Variants in SPINT4 observed in about 807,000 individuals in gnomAD.
SPINT4 encodes the protein serine peptidase inhibitor, Kunitz type 4.
SPINT4 carries 7 observed loss-of-function variants against 9.4 expected under a neutral mutation model. The observed-to-expected ratio is 0.74, with a 90% CI of 0.42 to 1.40. The LOEUF (loss-of-function observed/expected upper bound fraction) is 1.40. SPINT4 is among the 40% of genes most tolerant of loss of function. SPINT4 has a pLI of 0.01. For synonymous variants in SPINT4, 36 were observed against 39.9 expected (o/e 0.90, Z 0.37); for missense variants, 105 against 114.4 (o/e 0.92, Z 0.37).
At chr20:45,724,300 C>G (rs1984875292) in intron 2 of SPINT4, among the ~76,000 whole-genome samples, 1 of 151,306 alleles carries the variant, frequency 6.6e-6, no homozygotes. Context: ...ACCAGCCTGA[C>G]CAACATGGAG....
At chr20:45,724,902 C>A (rs1314864240) in intron 2 of SPINT4, among the ~76,000 whole-genome samples, 2 of 142,538 alleles carry the variant, frequency 1.4e-5, no homozygotes, top group East Asian at 2.1e-4. Flanking sequence ...ATGGTGTGAA[C>A]CCGGGAGGCG....
rs1183325344 is a variant in SPINT4, at chr20:45,724,022, A to G, written c.258A>G (p.Glu86=). 8 of 1,610,612 alleles carry G rather than the reference A, an allele frequency of 5.0e-6. No individual in the cohort carries two copies. The East Asian group carries it at 8.9e-5, about 18-fold the overall frequency. ...TTAACAACTTCAAGCTTAAAATAGA[A>G]CGTGAAGTAGCCTGTGTTGCAAAAT... is the stretch of plus-strand genomic sequence containing the variant. ...GNLNNFKLKI[E]REVACVAKYK... is the part of the protein sequence containing the mutation. Residue 86 remains glutamate (E), a synonymous_variant, in exon 2 of 3, where the codon GAA becomes GAG. Transcript: ENST00000279058.
intron 1 of SPINT4, 100 bp downstream of exon 1, chr20:45,722,582 T>C: frequency 1.2e-6 from 1 of 844,708 alleles, no homozygotes; most frequent in Non-Finnish European, 2.0e-6. Context: ...AGGAAGGTCT[T>C]CCTTTCATGA....
At chr20:45,724,080 T>A in intron 2 of SPINT4, 23 bp downstream of exon 2, 1 of 1,588,098 alleles carries the variant, frequency 6.3e-7, no homozygotes. Context: ...ATCCTGTCCT[T>A]GGTCCTTGGG....
At chr20:45,722,867 A>G (rs895838145) in intron 1 of SPINT4, among the ~76,000 whole-genome samples, 1 of 152,148 alleles carries the variant, frequency 6.6e-6, no homozygotes, top group Non-Finnish European at 1.5e-5. Flanking sequence ...GGCTATGGAC[A>G]TATACAGAAC....
At chr20:45,725,021 T>TACAC (rs1984912547) in intron 2 of SPINT4, among the ~76,000 whole-genome samples, 5 of 97,346 alleles carry the variant, frequency 5.1e-5, no homozygotes, top group Non-Finnish European at 8.1e-5. Flanking sequence ...TATATATATA[T>TACAC]ATATATCAAT....
At chr20:45,722,832 C>A (rs138316391) in intron 1 of SPINT4, among the ~76,000 whole-genome samples, 6 of 152,162 alleles carry the variant, frequency 3.9e-5, no homozygotes, top group African/African-American at 1.4e-4. Context: ...GGAGACAGAG[C>A]AAATTAAGAC....
At position 45,723,940 on chromosome 20, in the gene SPINT4, A is replaced by G; in HGVS notation, c.176A>G (p.Tyr59Cys). The change falls in exon 2 of 3, where the codon TAC becomes TGC. Residue 59 changes from tyrosine to cysteine, a missense_variant. Transcript: ENST00000279058. ...TATGAAGTTCACTTTAGATATTTCTACAACAGAACCTCCAAAAGATGTGAA... is the reference window on the plus strand; with the variant it reads ...TATGAAGTTCACTTTAGATATTTCTGCAACAGAACCTCCAAAAGATGTGAA... ...SCYEVHFRYF[Y>C]NRTSKRCETF... is the part of the protein sequence containing the mutation. 3.1e-6 allele frequency: 5 copies of G among 1,607,130 alleles called. 1 individual carries two copies. Among genetic ancestry groups the G allele is most frequent in the Non-Finnish European group, 4.2e-6 (5 of 1,178,288 alleles).
intron 2 of SPINT4, among the ~76,000 whole-genome samples, chr20:45,725,396 T>G (rs1978352536): frequency 6.6e-6 from 1 of 151,996 alleles, no homozygotes; most frequent in South Asian, 2.1e-4. Flanking sequence ...GAAATGTTGT[T>G]TTGTTTATTT....
rs1293271907 is a variant in SPINT4, at chr20:45,725,560, C to T, written c.294-69C>T. ...TTTCCCTAGGATAAAAAATGACCTGCATTAATCCAGGGAGACCTTCAAAAA... is the reference window on the plus strand; with the variant it reads ...TTTCCCTAGGATAAAAAATGACCTGTATTAATCCAGGGAGACCTTCAAAAA... On this transcript the variant is annotated intron_variant, in intron 2 of 2. Coordinates refer to ENST00000279058, the MANE Select transcript of SPINT4 (RefSeq NM_178455.3). The T allele has an allele frequency of 2.6e-6, 4 of 1,554,738 alleles. No individual in the cohort carries two copies. The African/African-American group carries it at 4.1e-5, about 16-fold the overall frequency.
chr20:45,725,487 T>C (rs1209148546), intron 2 of SPINT4, 142 bp from the exon 3 acceptor site: 4 of 853,706 alleles, frequency 4.7e-6, no homozygotes, highest in Non-Finnish European at 7.8e-6. Context: ...AGTGAAAGAT[T>C]AATCAATAAA....
chr20:45,723,944 C>T lies in SPINT4; in HGVS notation c.180C>T (p.Asn60=). Residue 60 remains asparagine (N), a synonymous_variant, in exon 2 of 3, where the codon AAC becomes AAT. Coordinates refer to ENST00000279058, the MANE Select transcript of SPINT4 (RefSeq NM_178455.3). ...CYEVHFRYFY[N]RTSKRCETFV... Reference sequence around the variant, plus strand: ...AAGTTCACTTTAGATATTTCTACAACAGAACCTCCAAAAGATGTGAAACTT... The same window carrying T: ...AAGTTCACTTTAGATATTTCTACAATAGAACCTCCAAAAGATGTGAAACTT... The T allele has an allele frequency of 6.2e-7, 1 of 1,608,390 alleles. No individual in the cohort carries two copies.
chr20:45,724,194 T>A, intron 2 of SPINT4, 137 bp downstream of exon 2: 1 of 997,188 alleles, frequency 1.0e-6, no homozygotes, highest in Non-Finnish European at 1.4e-6. Context: ...TAAGAAGTTT[T>A]AACAGTTGGG....
chr20:45,724,083 T>C (rs754871853), intron 2 of SPINT4, 26 bp downstream of exon 2: 1 of 1,573,154 alleles, frequency 6.4e-7, no homozygotes, highest in East Asian at 2.3e-5. Context: ...CTGTCCTTGG[T>C]CCTTGGGGGT....
intron 2 of SPINT4, among the ~76,000 whole-genome samples, chr20:45,725,158 G>A (rs1235863950): frequency 6.6e-6 from 1 of 150,804 alleles, no homozygotes; most frequent in Non-Finnish European, 1.5e-5. Context: ...AGTCACAATG[G>A]TCTTGACAAT....
intron 1 of SPINT4, among the ~76,000 whole-genome samples, chr20:45,722,980 G>A (rs1984837006): frequency 1.3e-5 from 2 of 152,008 alleles, no homozygotes; most frequent in African/African-American, 2.4e-5. Context: ...CGCTTCCAGG[G>A]GACGAGAAAG....
chr20:45,723,853 C>T, intron 1 of SPINT4, 27 bp from the exon 2 acceptor site: 2 of 1,534,378 alleles, frequency 1.3e-6, no homozygotes, highest in Admixed American at 2.3e-5. Flanking sequence ...CCAATTCCCA[C>T]TAACTCAATG....
chr20:45,724,995 AATATAT>A lies in SPINT4; in HGVS notation c.294-607_294-602del, dbSNP rs1156730831. On this transcript the variant is annotated intron_variant, in intron 2 of 2. Coordinates refer to ENST00000279058, the MANE Select transcript of SPINT4 (RefSeq NM_178455.3). ...ACTCCATCTCAAAAAAAAAAAAAAA[AATATAT>A]ATATATATATATATATATATATATA... Among the ~76,000 whole-genome samples the A allele has an allele frequency of 1.7e-3, 62 of 36,388 alleles. 1 individual carries two copies. The highest frequency in any genetic ancestry group is 7.6e-3 in the African/African-American group (40 of 5,276). 23.9% of individuals were successfully genotyped at this position (36,388 alleles called of 152,430 possible).
Position 45,724,071 on chromosome 20 carries a change from T to A in SPINT4, c.293+14T>A. 1.9e-6 allele frequency: 3 copies of A among 1,594,994 alleles called. No homozygotes were observed. Among genetic ancestry groups the A allele is most frequent in the Non-Finnish European group, 2.6e-6 (3 of 1,174,358 alleles). On this transcript the variant is annotated intron_variant, in intron 2 of 2. Coordinates refer to ENST00000279058, the MANE Select transcript of SPINT4 (RefSeq NM_178455.3). ...ATACAAACCACCGTAAGGAATCTAA[T>A]CCTGTCCTTGGTCCTTGGGGGTAGT...
Sources: gnomAD v4.1 joint callset for allele counts (sites outside exome capture counted in the v4.1 genomes callset) on GRCh38, gnomAD v4.1.1 for gene constraint, MANE v1.5 for transcripts, NCBI Gene and HGNC (gene_info 2026-07-23, HGNC 2026-07-21) for gene names.